Variants in ALX1 observed in about 807,000 individuals in gnomAD.
ALX1 encodes ALX homeobox protein 1.
A neutral mutation model predicts 31.7 loss-of-function variants in ALX1; 19 were observed. The observed-to-expected ratio is 0.60, with a 90% CI of 0.42 to 0.88. The LOEUF is 0.88. Ranked by LOEUF, ALX1 falls within the 40% of genes least tolerant of loss-of-function variation. ALX1 has a pLI of 0.00. For missense variants in ALX1, 415 were observed against 407.8 expected (o/e 1.02, Z -0.15); for synonymous variants, 153 against 148.8 (o/e 1.03, Z -0.20).
At chr12:85,286,524 T>C (rs1896748827) in intron 2 of ALX1, among the ~76,000 whole-genome samples, 1 of 151,912 alleles carries the variant, frequency 6.6e-6, no homozygotes, top group South Asian at 2.1e-4. Context: ...TCCATGACAA[T>C]GTGGAGATAT....
At position 85,280,254 on chromosome 12, in the gene ALX1, C is replaced by A. The variant is rs1392248773; in HGVS notation, c.-8C>A. The A allele has an allele frequency of 6.3e-7, 1 of 1,591,812 alleles. No homozygotes were observed. Among genetic ancestry groups the A allele is most frequent in the Non-Finnish European group, 8.6e-7 (1 of 1,167,734 alleles). ...GCCCCAGGAGCTACGCGACAGTCTTCCAGGATTATGGAGTTTCTGAGCGAG... is the reference window on the plus strand; with the variant it reads ...GCCCCAGGAGCTACGCGACAGTCTTACAGGATTATGGAGTTTCTGAGCGAG... On this transcript the variant is annotated 5_prime_UTR_variant, in exon 1 of 4. Transcript: ENST00000316824.
chr12:85,289,293 C>G (rs1261544318), intron 3 of ALX1, among the ~76,000 whole-genome samples: 1 of 151,084 alleles, frequency 6.6e-6, no homozygotes, highest in Non-Finnish European at 1.5e-5. Context: ...TGTATAAATG[C>G]TCAATATGAC....
intron 1 of ALX1, 132 bp from the exon 2 acceptor site, chr12:85,283,440 T>A (rs1593047360): frequency 4.4e-6 from 4 of 900,244 alleles, no homozygotes; most frequent in East Asian, 5.2e-5. Context: ...AATGTGGTAA[T>A]TGAATTAATA....
Position 85,301,370 on chromosome 12 carries a change from A to G in ALX1, c.876A>G (p.Gly292=). The part of the protein sequence containing the change: ...TDSLLTGATN[G]HAFETKPEFE... ...CTCTTCTTACTGGGGCAACCAATGG[A>G]CATGCATTTGAAACAAAGCCAGAGT... Residue 292 remains glycine (G), a synonymous_variant, in exon 4 of 4, where the codon GGA becomes GGG. Coordinates refer to ENST00000316824, the MANE Select transcript of ALX1 (RefSeq NM_006982.3). 1 of 1,614,084 alleles carries G rather than the reference A, an allele frequency of 6.2e-7. No individual in the cohort carries two copies. Among genetic ancestry groups the G allele is most frequent in the South Asian group, 1.1e-5 (1 of 91,086 alleles).
chr12:85,300,613 G>T (rs1896950846), intron 3 of ALX1, among the ~76,000 whole-genome samples: 1 of 151,846 alleles, frequency 6.6e-6, no homozygotes, highest in Non-Finnish European at 1.5e-5. Flanking sequence ...CAAGACTATA[G>T]GATACGAAAA....
At chr12:85,285,225 T>C (rs760051912) in intron 2 of ALX1, among the ~76,000 whole-genome samples, 2 of 152,110 alleles carry the variant, frequency 1.3e-5, no homozygotes, top group Non-Finnish European at 2.9e-5. Flanking sequence ...CAAGTCTTGA[T>C]TAATTTTTGT....
intron 1 of ALX1, among the ~76,000 whole-genome samples, chr12:85,281,325 T>G (rs1366131371): frequency 6.6e-6 from 1 of 152,222 alleles, no homozygotes; most frequent in Non-Finnish European, 1.5e-5. Context: ...CCATCTATCT[T>G]TTCTATCTTG....
intron 3 of ALX1, among the ~76,000 whole-genome samples, chr12:85,292,453 T>C (rs1896830714): frequency 2.0e-5 from 3 of 151,068 alleles, no homozygotes; most frequent in South Asian, 4.1e-4. Flanking sequence ...GCTTACCAAA[T>C]GTACCAAGGA....
intron 3 of ALX1, among the ~76,000 whole-genome samples, chr12:85,294,174 T>C (rs1463430927): frequency 6.6e-6 from 1 of 151,230 alleles, no homozygotes; most frequent in Non-Finnish European, 1.5e-5. Context: ...TTATTCATAT[T>C]CTAAGCTATT....
chr12:85,301,535 T>G lies in ALX1; in HGVS notation c.*60T>G. 6.5e-7 allele frequency: 1 copy of G among 1,549,348 alleles called. No individual in the cohort carries two copies. The highest frequency in any genetic ancestry group is 1.1e-5 in the South Asian group (1 of 89,528). ...AAGTTAAACATTCTTATTTCTCATATTTAAAGGATACCACAATAAGCTGCT... is the reference window on the plus strand; with the variant it reads ...AAGTTAAACATTCTTATTTCTCATAGTTAAAGGATACCACAATAAGCTGCT... On this transcript the variant is annotated 3_prime_UTR_variant, in exon 4 of 4. Transcript: ENST00000316824.
At chr12:85,288,477 G>A (rs1896777482) in intron 3 of ALX1, among the ~76,000 whole-genome samples, 1 of 151,430 alleles carries the variant, frequency 6.6e-6, no homozygotes, top group South Asian at 2.1e-4. Context: ...CCTTAGTTGA[G>A]TCAGTGTGAG....
At position 85,280,582 on chromosome 12, in the gene ALX1, A is replaced by G. The variant is rs547073411; in HGVS notation, c.226+95A>G. ...TCAGGCAGGGAGGGAGAAAGGAGAA[A>G]AGTGGGAGCGAGGGACCTGGAAGGT... On this transcript the variant is annotated intron_variant, in intron 1 of 3. Coordinates refer to ENST00000316824, the MANE Select transcript of ALX1 (RefSeq NM_006982.3). 1,649 of 1,364,210 alleles carry G rather than the reference A, an allele frequency of 1.2e-3. 12 individuals are homozygous for G. The African/African-American group carries it at 0.022, about 18-fold the overall frequency. 84.5% of individuals were successfully genotyped at this position (1,364,210 alleles called of 1,614,324 possible).
At chr12:85,296,371 GA>G (rs936292462) in intron 3 of ALX1, among the ~76,000 whole-genome samples, 1 of 150,840 alleles carries the variant, frequency 6.6e-6, no homozygotes, top group Non-Finnish European at 1.5e-5. Context: ...TAATTCCTTG[GA>G]AAAAAATGAG....
At chr12:85,300,624 A>T (rs753288510) in intron 3 of ALX1, among the ~76,000 whole-genome samples, 1 of 152,072 alleles carries the variant, frequency 6.6e-6, no homozygotes, top group Non-Finnish European at 1.5e-5. Context: ...GATACGAAAA[A>T]GCAATAGGAG....
intron 1 of ALX1, among the ~76,000 whole-genome samples, chr12:85,281,163 C>T (rs964101561): frequency 2.0e-5 from 3 of 152,138 alleles, no homozygotes; most frequent in African/African-American, 4.8e-5. Context: ...GGCAAACCAT[C>T]CCCGGCCTAA....
intron 1 of ALX1, among the ~76,000 whole-genome samples, chr12:85,282,298 A>C (rs2137375321): frequency 6.6e-6 from 1 of 152,248 alleles, no homozygotes; most frequent in Non-Finnish European, 1.5e-5. Context: ...GGTACAAAGT[A>C]ATGTTAAGTT....
intron 3 of ALX1, among the ~76,000 whole-genome samples, chr12:85,291,558 A>G (rs1218797705): frequency 6.6e-6 from 1 of 151,198 alleles, no homozygotes; most frequent in Non-Finnish European, 1.5e-5. Flanking sequence ...TATAATTACC[A>G]TTCATTTCTT....
intron 1 of ALX1, 115 bp downstream of exon 1, chr12:85,280,602 G>A (rs1896656910): frequency 2.7e-6 from 3 of 1,108,886 alleles, no homozygotes; most frequent in African/African-American, 1.5e-5. Flanking sequence ...GAGGGACCTG[G>A]AAGGTGGAGG....
chr12:85,281,767 T>A (rs1896677379), intron 1 of ALX1, among the ~76,000 whole-genome samples: 1 of 152,188 alleles, frequency 6.6e-6, no homozygotes. Flanking sequence ...GAGTTGTTGG[T>A]TTTCTGGCTG....
Sources: gnomAD v4.1 joint callset for allele counts (sites outside exome capture counted in the v4.1 genomes callset) on GRCh38, gnomAD v4.1.1 for gene constraint, MANE v1.5 for transcripts, NCBI Gene and HGNC (gene_info 2026-07-23, HGNC 2026-07-21) for gene names.